GSAP: variants seen among roughly 807,000 people sequenced by gnomAD.
GSAP encodes the protein gamma-secretase-activating protein.
A neutral mutation model predicts 131.7 loss-of-function variants in GSAP; 118 were observed. The observed-to-expected ratio is 0.90, with a 90% CI of 0.77 to 1.04. The LOEUF (loss-of-function observed/expected upper bound fraction) is 1.04. Ranked by LOEUF, GSAP falls within the 50% of genes least tolerant of loss-of-function variation. The pLI, the probability that GSAP is intolerant of heterozygous loss-of-function variation, is 0.00. For synonymous variants in GSAP, 381 were observed against 363.4 expected (o/e 1.05, Z -0.55); for missense variants, 1,019 against 1,013.2 (o/e 1.01, Z -0.08).
At chr7:77,403,057 G>T (rs74658222) in intron 3 of GSAP, among the ~76,000 whole-genome samples, 5,098 of 152,226 alleles carry the variant, frequency 0.033, 288 homozygotes, top group African/African-American at 0.12. Context: ...CACAGTCTTG[G>T]GAGAGAGGAA....
At chr7:77,402,433 C>CA (rs1293900520) in intron 3 of GSAP, among the ~76,000 whole-genome samples, 3 of 137,134 alleles carry the variant, frequency 2.2e-5, no homozygotes, top group Admixed American at 7.2e-5. Context: ...TACACACACA[C>CA]AGAAAAAAAA....
intron 5 of GSAP, among the ~76,000 whole-genome samples, chr7:77,389,958 T>A (rs1226049646): frequency 6.6e-6 from 1 of 152,230 alleles, no homozygotes; most frequent in East Asian, 1.9e-4. Context: ...GTTTCCTGAC[T>A]TTTTAATGAT....
intron 19 of GSAP, among the ~76,000 whole-genome samples, chr7:77,339,211 A>G (rs923523788): frequency 1.3e-5 from 2 of 152,048 alleles, no homozygotes; most frequent in Admixed American, 6.6e-5. Context: ...TTAAGTTGGG[A>G]CTTGGGGGTA....
chr7:77,322,748 T>G (rs1281580111), intron 24 of GSAP, among the ~76,000 whole-genome samples: 1 of 152,150 alleles, frequency 6.6e-6, no homozygotes, highest in African/African-American at 2.4e-5. Flanking sequence ...TAACCTCTCC[T>G]AATATATTAA....
chr7:77,325,230 C>T (rs1788166954), intron 23 of GSAP, among the ~76,000 whole-genome samples: 1 of 152,142 alleles, frequency 6.6e-6, no homozygotes, highest in South Asian at 2.1e-4. Flanking sequence ...CATATCTAAA[C>T]TAACCTCTCC....
At chr7:77,362,308 G>A (rs765413616) in intron 13 of GSAP, among the ~76,000 whole-genome samples, 29 of 152,092 alleles carry the variant, frequency 1.9e-4, no homozygotes, top group Non-Finnish European at 4.3e-4. Context: ...GCAACATGGT[G>A]AAACCCCATC....
rs545562439 is a variant in GSAP at position 77,382,342 on chromosome 7, T to C, written c.526+232A>G. Reference sequence around the variant, plus strand: ...TGGGACAAAATTGCAGATCCATGTATGCAAGAGCCCATCATTCCCAGGATG... The same window carrying C: ...TGGGACAAAATTGCAGATCCATGTACGCAAGAGCCCATCATTCCCAGGATG... On this transcript the variant is annotated intron_variant, in intron 7 of 30. Transcript: ENST00000257626. 3.3e-5 allele frequency among the ~76,000 whole-genome samples: 5 copies of C among 152,264 alleles called. No homozygotes were observed. In the South Asian group the frequency reaches 1.0e-3, roughly 32 times the overall value.
Position 77,353,025 on chromosome 7 carries a change from A to G in GSAP, c.1410T>C (p.Ala470=), listed in dbSNP as rs779920425. The change falls in exon 18 of 31, where the codon GCT becomes GCC. Residue 470 remains alanine, a splice_region_variant and synonymous_variant. Transcript: ENST00000257626. ...SFDLIQEFII[A]SSYWSVYSET... ...CTGAATATACACTCCAGTATGAAGA[A>G]GCTGAGTAGATTTTTTTTGAAACAG... is the stretch of plus-strand genomic sequence containing the variant. The G allele has an allele frequency of 2.5e-6, 4 of 1,583,914 alleles. No individual in the cohort carries two copies. Among genetic ancestry groups the G allele is most frequent in the Non-Finnish European group, 2.6e-6 (3 of 1,153,298 alleles).
intron 1 of GSAP, chr7:77,415,634 G>C (rs531685467): frequency 6.6e-6 from 1 of 152,342 alleles, no homozygotes; most frequent in Non-Finnish European, 1.5e-5. Context: ...GCCTGGAGGC[G>C]GCCCCTGCCC....
intron 12 of GSAP, among the ~76,000 whole-genome samples, chr7:77,372,375 T>C (rs760799179): frequency 6.6e-6 from 1 of 152,236 alleles, no homozygotes; most frequent in Non-Finnish European, 1.5e-5. Flanking sequence ...GTTATATACA[T>C]ACATATTTAT....
intron 12 of GSAP, among the ~76,000 whole-genome samples, chr7:77,370,734 C>T (rs1291964638): frequency 6.6e-6 from 1 of 152,128 alleles, no homozygotes; most frequent in Admixed American, 6.5e-5. Flanking sequence ...TATGACTTTT[C>T]TCAATTCCCA....
intron 18 of GSAP, chr7:77,351,317 A>G (rs1002889050): frequency 3.4e-6 from 3 of 893,982 alleles, no homozygotes; most frequent in African/African-American, 4.8e-5. Context: ...AGGATTATCT[A>G]TGTGTAAGGG....
At chr7:77,413,412 G>A (rs550800960) in intron 1 of GSAP, among the ~76,000 whole-genome samples, 2 of 152,306 alleles carry the variant, frequency 1.3e-5, no homozygotes, top group East Asian at 1.9e-4. Flanking sequence ...GCTGAAGACT[G>A]CCTGCTGACT....
upstream of GSAP, chr7:77,416,410 TCCCGCCCCCTCTTTCCTCTCCCCCGCC>T: frequency 1.7e-6 from 1 of 593,174 alleles, no homozygotes; most frequent in Non-Finnish European, 2.8e-6. Context: ...GCGTCCCCGC[TCCCGCCCCCTCTTTCCTCTCCCCCGCC>T]CCCTGCTGCT....
chr7:77,332,167 C>G (rs1789259404), intron 19 of GSAP, among the ~76,000 whole-genome samples: 5 of 152,190 alleles, frequency 3.3e-5, no homozygotes, highest in Admixed American at 2.0e-4. Flanking sequence ...TGCCCTCTAA[C>G]TGTCATCTGG....
At position 77,355,374 on chromosome 7, in the gene GSAP, A is replaced by AC. The variant is rs764048461; in HGVS notation, c.1176dup (p.Ser393ValfsTer13). ...CCAGAACAACAATCCAATACCAGGG[A>AC]CCCTGACAATGACTGTAAAGGGCAA... On this transcript the variant is annotated frameshift_variant, in exon 16 of 31. Coordinates refer to ENST00000257626, the MANE Select transcript of GSAP (RefSeq NM_017439.4). LOFTEE classifies it high-confidence loss of function. The AC allele has an allele frequency of 6.2e-7, 1 of 1,612,966 alleles. No homozygotes were observed. The highest frequency in any genetic ancestry group is 2.2e-5 in the East Asian group (1 of 44,854).
intron 5 of GSAP, among the ~76,000 whole-genome samples, chr7:77,392,236 A>G (rs570480815): frequency 6.7e-6 from 1 of 148,232 alleles, no homozygotes; most frequent in South Asian, 2.2e-4. Flanking sequence ...AAAAAAAAAA[A>G]AGAATTTTGA....
intron 19 of GSAP, among the ~76,000 whole-genome samples, chr7:77,342,325 A>G (rs951313547): frequency 3.3e-5 from 5 of 152,024 alleles, no homozygotes; most frequent in African/African-American, 4.8e-5. Flanking sequence ...CCTTGCCTCC[A>G]TAACTGTTGT....
At chr7:77,370,801 C>T (rs1039744286) in intron 12 of GSAP, among the ~76,000 whole-genome samples, 1 of 152,156 alleles carries the variant, frequency 6.6e-6, no homozygotes, top group Non-Finnish European at 1.5e-5. Flanking sequence ...ACACAAACAG[C>T]TCATAGTAAT....
Sources: gnomAD v4.1 joint callset for allele counts (sites outside exome capture counted in the v4.1 genomes callset) on GRCh38, gnomAD v4.1.1 for gene constraint, MANE v1.5 for transcripts, NCBI Gene and HGNC (gene_info 2026-07-23, HGNC 2026-07-21) for gene names.